EPHA5: variants seen among roughly 807,000 people sequenced by gnomAD.
The protein encoded by EPHA5 is EPH receptor A5.
A neutral mutation model predicts 105.0 loss-of-function variants in EPHA5; 60 were observed. That is an observed-to-expected ratio of 0.57 (90% confidence interval 0.46 to 0.71). The LOEUF is 0.71. EPHA5 is among the 30% of genes least tolerant of loss of function. The pLI, the probability that EPHA5 is intolerant of heterozygous loss-of-function variation, is 0.00. For synonymous variants in EPHA5, 513 were observed against 449.1 expected (o/e 1.14, Z -1.80); for missense variants, 1,218 against 1,274.7 (o/e 0.96, Z 0.68).
chr4:65,598,171 T>C (rs1293075728), intron 3 of EPHA5, among the ~76,000 whole-genome samples: 1 of 152,192 alleles, frequency 6.6e-6, no homozygotes, highest in African/African-American at 2.4e-5. Flanking sequence ...TATTTAAGTA[T>C]GTGATGTTCT....
intron 2 of EPHA5, among the ~76,000 whole-genome samples, chr4:65,610,264 C>A (rs1042184354): frequency 3.3e-5 from 5 of 152,104 alleles, no homozygotes; most frequent in South Asian, 2.1e-4. Context: ...TCATCCTAAG[C>A]AAACTAACAC....
chr4:65,625,027 A>G (rs1462169842), intron 2 of EPHA5, among the ~76,000 whole-genome samples: 1 of 152,212 alleles, frequency 6.6e-6, no homozygotes, highest in East Asian at 1.9e-4. Flanking sequence ...CATAGATAAA[A>G]TGAACACCTC....
At chr4:65,480,848 T>G (rs1050159299) in intron 5 of EPHA5, among the ~76,000 whole-genome samples, 1 of 146,770 alleles carries the variant, frequency 6.8e-6, no homozygotes, top group South Asian at 2.2e-4. Flanking sequence ...ATATTTTGAG[T>G]GCAACTAAGA....
In EPHA5 at chr4:65,538,132, A is replaced by T. The variant is rs189496822; in HGVS notation, c.911-42589T>A. Reference sequence around the variant, plus strand: ...GTTTCCTTGTCTTTAAACAAACAAAAAATCTGCAGTGCACTATGTGAAACA... The same window carrying T: ...GTTTCCTTGTCTTTAAACAAACAAATAATCTGCAGTGCACTATGTGAAACA... On this transcript the variant is annotated intron_variant, in intron 3 of 16. Coordinates refer to ENST00000613740, the MANE Select transcript of EPHA5 (RefSeq NM_001281766.3). Among the ~76,000 whole-genome samples the T allele has an allele frequency of 2.3e-3, 357 of 151,938 alleles. 3 individuals carry two copies. Among genetic ancestry groups the T allele is most frequent in the Non-Finnish European group, 3.1e-3 (211 of 67,804 alleles).
At chr4:65,656,592 T>G (rs1000592019) in intron 1 of EPHA5, among the ~76,000 whole-genome samples, 6 of 147,348 alleles carry the variant, frequency 4.1e-5, no homozygotes, top group Non-Finnish European at 8.9e-5. Context: ...ATATATTATA[T>G]ATATATAATA....
intron 13 of EPHA5, among the ~76,000 whole-genome samples, chr4:65,348,846 C>T (rs1259570677): frequency 9.8e-6 from 1 of 102,366 alleles, no homozygotes; most frequent in African/African-American, 3.7e-5. Flanking sequence ...GACAGGGTCT[C>T]GCTCTGTCTC....
rs5858974 is a variant in EPHA5, at chr4:65,611,524, CAAA to C, written c.247-9223_247-9221del. Among the ~76,000 whole-genome samples, 415 of 117,842 alleles carry C rather than the reference CAAA, an allele frequency of 3.5e-3. 3 individuals are homozygous for C. The highest frequency in any genetic ancestry group is 0.011 in the African/African-American group (368 of 32,330). The allele number at this position is 117,842 out of a possible 152,430, so 77.3% of individuals were successfully genotyped here. A position where few individuals can be genotyped will look rare whatever the true frequency, so the allele number is the denominator to read the frequency against. ...TACAATTACACCCTTGTTGTTCTGG[CAAA>C]AAAAAAAAAAAAAAAGGTTTCAGTA... On this transcript the variant is annotated intron_variant, in intron 2 of 16. Transcript: ENST00000613740.
chr4:65,607,661 T>C (rs907753721), intron 2 of EPHA5, among the ~76,000 whole-genome samples: 2 of 152,156 alleles, frequency 1.3e-5, no homozygotes, highest in Non-Finnish European at 2.9e-5. Flanking sequence ...ACAATGGCGA[T>C]CATTAAAAAG....
At chr4:65,449,470 A>C (rs1726872297) in intron 5 of EPHA5, among the ~76,000 whole-genome samples, 1 of 152,182 alleles carries the variant, frequency 6.6e-6, no homozygotes, top group South Asian at 2.1e-4. Flanking sequence ...CCAAGAACAG[A>C]AGCAGAAAGG....
intron 3 of EPHA5, among the ~76,000 whole-genome samples, chr4:65,501,948 C>T (rs1348488629): frequency 6.6e-6 from 1 of 151,518 alleles, no homozygotes; most frequent in Non-Finnish European, 1.5e-5. Context: ...AATAAAACTG[C>T]ACACCTACAA....
intron 1 of EPHA5, among the ~76,000 whole-genome samples, chr4:65,669,284 C>T (rs1174235429): frequency 6.6e-5 from 10 of 151,956 alleles, no homozygotes; most frequent in Non-Finnish European, 1.3e-4. Flanking sequence ...GCCTCGACCT[C>T]CTTTCCCCCA....
At chr4:65,338,945 C>A (rs766952153) in intron 14 of EPHA5, among the ~76,000 whole-genome samples, 1 of 151,942 alleles carries the variant, frequency 6.6e-6, no homozygotes, top group African/African-American at 2.4e-5. Context: ...TTTCTCATTA[C>A]TATTAGATTT....
chr4:65,660,992 C>T (rs1361001065), intron 1 of EPHA5, among the ~76,000 whole-genome samples: 1 of 152,000 alleles, frequency 6.6e-6, no homozygotes, highest in Non-Finnish European at 1.5e-5. Context: ...AGTTATATTC[C>T]CAGGCTTCCT....
At chr4:65,511,094 A>C (rs1733579055) in intron 3 of EPHA5, among the ~76,000 whole-genome samples, 1 of 152,174 alleles carries the variant, frequency 6.6e-6, no homozygotes, top group African/African-American at 2.4e-5. Context: ...CCAAGAAATG[A>C]ATGACTGGCA....
In EPHA5 at chr4:65,498,643, C is replaced by G. The variant is rs143026589; in HGVS notation, c.911-3100G>C. Among the ~76,000 whole-genome samples the G allele has an allele frequency of 4.8e-3, 729 of 151,800 alleles. 3 individuals carry two copies. The highest frequency in any genetic ancestry group is 0.014 in the Middle Eastern group (4 of 294). ...ATGATGTATTTAATGGGTTAGATGACTTAGTGGAAAATCGTAAGAGTGACT... is the reference window on the plus strand; with the variant it reads ...ATGATGTATTTAATGGGTTAGATGAGTTAGTGGAAAATCGTAAGAGTGACT... On this transcript the variant is annotated intron_variant, in intron 3 of 16. Transcript: ENST00000613740.
At chr4:65,523,805 A>G (rs1040908222) in intron 3 of EPHA5, among the ~76,000 whole-genome samples, 1 of 151,952 alleles carries the variant, frequency 6.6e-6, no homozygotes, top group Non-Finnish European at 1.5e-5. Context: ...TTGAATACAT[A>G]GGATGCCTAA....
intron 5 of EPHA5, among the ~76,000 whole-genome samples, chr4:65,425,936 T>C (rs1180775375): frequency 6.6e-6 from 1 of 152,180 alleles, no homozygotes; most frequent in Middle Eastern, 3.2e-3. Context: ...TCTGGTTCAT[T>C]GTTGCTTGCT....
chr4:65,330,901 T>C, intron 16 of EPHA5: 6 of 1,038,484 alleles, frequency 5.8e-6, no homozygotes, highest in Non-Finnish European at 7.0e-6. Flanking sequence ...TCCTTTTAGT[T>C]ATCGGTATGA....
In EPHA5 at chr4:65,429,438, G is replaced by C. The variant is rs895961543; in HGVS notation, c.1403-8873C>G. 2.0e-5 allele frequency among the ~76,000 whole-genome samples: 3 copies of C among 149,004 alleles called. 1 individual carries two copies. Among genetic ancestry groups the C allele is most frequent in the Non-Finnish European group, 4.5e-5 (3 of 67,056 alleles). On this transcript the variant is annotated intron_variant, in intron 5 of 16. Coordinates refer to ENST00000613740, the MANE Select transcript of EPHA5 (RefSeq NM_001281766.3). ...CCTCTTATAAATCCACATTAAATAG[G>C]GTTTTGGCAACCACAGACTAAGTCA...
Sources: gnomAD v4.1 joint callset for allele counts (sites outside exome capture counted in the v4.1 genomes callset) on GRCh38, gnomAD v4.1.1 for gene constraint, MANE v1.5 for transcripts, NCBI Gene and HGNC (gene_info 2026-07-23, HGNC 2026-07-21) for gene names.